Variants in ASXL3 observed in about 807,000 individuals in gnomAD.
ASXL3 encodes ASXL transcriptional regulator 3.
In ASXL3, 34 loss-of-function variants were observed where a neutral mutation model predicts 170.6. The observed-to-expected ratio is 0.20, with a 90% CI of 0.15 to 0.27. The LOEUF (loss-of-function observed/expected upper bound fraction) is 0.27, where lower values mean the gene tolerates loss of function less well. Ranked by LOEUF, ASXL3 falls within the 10% of genes least tolerant of loss-of-function variation. The probability of loss-of-function intolerance (pLI) is 1.00; values close to 1 mark genes in which losing one functional copy is unlikely to be tolerated. For missense variants in ASXL3, 2,592 were observed against 2,695.3 expected (o/e 0.96, Z 0.85); for synonymous variants, 1,002 against 989.1 (o/e 1.01, Z -0.24).
intron 8 of ASXL3, among the ~76,000 whole-genome samples, chr18:33,699,200 A>G (rs1319403765): frequency 6.6e-6 from 1 of 152,156 alleles, no homozygotes; most frequent in Non-Finnish European, 1.5e-5. Context: ...ATCTTCTATG[A>G]AATGCTCTGA....
chr18:33,662,390 A>G (rs939977216), intron 5 of ASXL3, among the ~76,000 whole-genome samples: 1 of 152,146 alleles, frequency 6.6e-6, no homozygotes, highest in Non-Finnish European at 1.5e-5. Flanking sequence ...TCCTCTCTGA[A>G]TCTTAAATTC....
In ASXL3 at chr18:33,632,801, C is replaced by T. The variant is rs114555631; in HGVS notation, c.138-12093C>T. ...TAACTGGTCTGTCTTCTAGGTGTAT[C>T]TCAGCTGAAATCTATCTTTGTGCTA... On this transcript the variant is annotated intron_variant, in intron 2 of 11. Transcript: ENST00000269197. Among the ~76,000 whole-genome samples, 246 of 152,290 alleles carry T rather than the reference C, an allele frequency of 1.6e-3. 2 individuals carry two copies. Among genetic ancestry groups the T allele is most frequent in the African/African-American group, 5.7e-3 (238 of 41,568 alleles).
chr18:33,662,527 A>G (rs1021587758), intron 5 of ASXL3, among the ~76,000 whole-genome samples: 2 of 152,202 alleles, frequency 1.3e-5, no homozygotes, highest in Non-Finnish European at 2.9e-5. Flanking sequence ...GACTTCTGTC[A>G]TACTGGCAAA....
At chr18:33,583,450 C>A (rs1302208205) in intron 1 of ASXL3, among the ~76,000 whole-genome samples, 1 of 152,152 alleles carries the variant, frequency 6.6e-6, no homozygotes, top group Admixed American at 6.5e-5. Context: ...TTCTTTATAT[C>A]TATATCTCAT....
intron 2 of ASXL3, among the ~76,000 whole-genome samples, chr18:33,635,213 A>G (rs1291904355): frequency 6.6e-6 from 1 of 152,180 alleles, no homozygotes; most frequent in South Asian, 2.1e-4. Flanking sequence ...TTTTAAACTC[A>G]CTATCGCTAT....
At chr18:33,663,677 G>A (rs1436176153) in intron 5 of ASXL3, among the ~76,000 whole-genome samples, 3 of 151,934 alleles carry the variant, frequency 2.0e-5, no homozygotes, top group East Asian at 1.9e-4. Context: ...GGAGAATATG[G>A]CTCAATATGT....
At chr18:33,732,520 A>G (rs145208423) in intron 9 of ASXL3, among the ~76,000 whole-genome samples, 20 of 152,274 alleles carry the variant, frequency 1.3e-4, no homozygotes, top group African/African-American at 4.3e-4. Context: ...CTTTATAGTC[A>G]GGGATGGGCC....
At chr18:33,684,379 G>A (rs551592093) in intron 8 of ASXL3, among the ~76,000 whole-genome samples, 37 of 152,110 alleles carry the variant, frequency 2.4e-4, no homozygotes, top group African/African-American at 8.9e-4. Flanking sequence ...GAATTGAAGT[G>A]GACAAAATTC....
chr18:33,724,152 C>T (rs1279052049), intron 8 of ASXL3, among the ~76,000 whole-genome samples: 3 of 152,012 alleles, frequency 2.0e-5, no homozygotes, highest in African/African-American at 7.2e-5. Context: ...TTGTGATATG[C>T]CTGTATAACA....
intron 8 of ASXL3, among the ~76,000 whole-genome samples, chr18:33,713,112 G>C (rs1226379469): frequency 6.6e-6 from 1 of 151,750 alleles, no homozygotes; most frequent in Non-Finnish European, 1.5e-5. Flanking sequence ...GTCTGGGAAA[G>C]ATCATCTCTA....
chr18:33,655,059 G>A lies in ASXL3; in HGVS notation c.356-6557G>A, dbSNP rs1200523859. Among the ~76,000 whole-genome samples, 4 of 151,962 alleles carry A rather than the reference G, an allele frequency of 2.6e-5. 1 individual carries two copies. Among genetic ancestry groups the A allele is most frequent in the South Asian group, 4.1e-4 (2 of 4,828 alleles). ...TAACCAAAATGTTTGTGAACCATTT[G>A]TAGCCATTGTAATGAGGTGATGGCA... On this transcript the variant is annotated intron_variant, in intron 4 of 11. Coordinates refer to ENST00000269197, the MANE Select transcript of ASXL3 (RefSeq NM_030632.3).
chr18:33,588,068 T>C (rs2065048851), intron 1 of ASXL3, among the ~76,000 whole-genome samples: 2 of 152,192 alleles, frequency 1.3e-5, no homozygotes, highest in African/African-American at 4.8e-5. Flanking sequence ...TGTATGTGTG[T>C]GTATATATAT....
intron 2 of ASXL3, among the ~76,000 whole-genome samples, chr18:33,626,109 A>T (rs538241875): frequency 1.3e-5 from 2 of 152,266 alleles, no homozygotes; most frequent in African/African-American, 4.8e-5. Flanking sequence ...TCAATGAAAA[A>T]AAAACAGTGA....
At chr18:33,612,697 C>A (rs2065355837) in intron 2 of ASXL3, among the ~76,000 whole-genome samples, 1 of 152,026 alleles carries the variant, frequency 6.6e-6, no homozygotes, top group Non-Finnish European at 1.5e-5. Context: ...TGTATAGTGA[C>A]AAACAATAAA....
chr18:33,618,506 TGTTAA>T (rs1451509421), intron 2 of ASXL3, among the ~76,000 whole-genome samples: 4 of 152,154 alleles, frequency 2.6e-5, no homozygotes, highest in African/African-American at 9.6e-5. Context: ...TAGATATTAC[TGTTAA>T]GTTAATTAAA....
Position 33,747,665 on chromosome 18 carries a change from G to A in ASXL3, c.*1070G>A, listed in dbSNP as rs1260374125. On this transcript the variant is annotated 3_prime_UTR_variant, in exon 12 of 12. Transcript: ENST00000269197. ...AAAAGGGACTACCCAAGGCTAAAGC[G>A]TCAACATTTTTCAGAACAATTGCTT... 1 of 152,052 alleles carries A rather than the reference G, an allele frequency of 6.6e-6. No homozygotes were observed. The highest frequency in any genetic ancestry group is 1.5e-5 in the Non-Finnish European group (1 of 68,012). The allele number at this position is 152,052 out of a possible 1,614,324, so 9.4% of individuals were successfully genotyped here.
At chr18:33,638,118 A>T (rs532960093) in intron 2 of ASXL3, among the ~76,000 whole-genome samples, 3 of 150,206 alleles carry the variant, frequency 2.0e-5, no homozygotes, top group African/African-American at 7.4e-5. Context: ...ATATGTATAT[A>T]TGTGCATGTG....
chr18:33,586,181 A>G (rs538354611), intron 1 of ASXL3, among the ~76,000 whole-genome samples: 15 of 151,776 alleles, frequency 9.9e-5, no homozygotes, highest in African/African-American at 3.6e-4. Flanking sequence ...GAGAGTCATG[A>G]TACAGTGAGG....
chr18:33,744,960 A>C lies in ASXL3; in HGVS notation c.5112A>C (p.Gln1704His). ...PAAEGASSVQ[Q>H]TQNMKASTSS... is the part of the protein sequence containing the mutation. ...CAGAGGGAGCCTCTAGTGTACAACA[A>C]ACACAGAACATGAAAGCTTCCACCT... Residue 1704 changes from glutamine to histidine, a missense_variant, in exon 12 of 12, where the codon CAA becomes CAC. Around this residue, in one of 4 missense-constraint regions of ASXL3, gnomAD observed 2,246 missense variants for 2,219.6 expected, o/e 1.01. Coordinates refer to ENST00000269197, the MANE Select transcript of ASXL3 (RefSeq NM_030632.3). The C allele has an allele frequency of 6.2e-7, 1 of 1,613,968 alleles. No homozygotes were observed. Among genetic ancestry groups the C allele is most frequent in the Non-Finnish European group, 8.5e-7 (1 of 1,179,892 alleles).
Sources: allele counts gnomAD v4.1 joint callset (sites outside exome capture counted in the v4.1 genomes callset), GRCh38; gene constraint gnomAD v4.1.1; regional missense constraint gnomAD v4.1.1; transcripts MANE v1.5; gene names NCBI Gene and HGNC (gene_info 2026-07-23, HGNC 2026-07-21).